Variants in RNF144B observed in about 807,000 individuals in gnomAD.
RNF144B encodes ring finger protein 144B.
In RNF144B, 25 loss-of-function variants were observed where a neutral mutation model predicts 40.2. The observed-to-expected ratio is 0.62, with a 90% CI of 0.45 to 0.87. The LOEUF (loss-of-function observed/expected upper bound fraction) is 0.87, where lower values mean the gene tolerates loss of function less well. RNF144B is among the 40% of genes least tolerant of loss of function. The pLI, the probability that RNF144B is intolerant of heterozygous loss-of-function variation, is 0.00. For synonymous variants in RNF144B, 145 were observed against 136.3 expected, an observed-to-expected ratio of 1.06 and a Z score of -0.44; for missense variants, 365 against 373.7, an observed-to-expected ratio of 0.98 and a Z score of 0.19.
At chr6:18,427,537 A>T in intron 2 of RNF144B, 44 bp from the exon 3 acceptor site, 2 of 1,337,288 alleles carry the variant, frequency 1.5e-6, no homozygotes, top group Non-Finnish European at 2.1e-6. Flanking sequence ...CCTTTCTGCT[A>T]CTGTAATGGA....
In RNF144B at chr6:18,406,466, G is replaced by A. The variant is rs1794909494; in HGVS notation, c.165+6767G>A. Among the ~76,000 whole-genome samples the A allele has an allele frequency of 1.8e-5, 1 of 56,420 alleles. No homozygotes were observed. The highest frequency in any genetic ancestry group is 3.8e-5 in the Non-Finnish European group (1 of 26,522). The allele number at this position is 56,420 out of a possible 152,430, so 37.0% of individuals were successfully genotyped here. A position where few individuals can be genotyped will look rare whatever the true frequency, so the allele number is the denominator to read the frequency against. On this transcript the variant is annotated intron_variant, in intron 2 of 7. Transcript: ENST00000259939. This position sits in a 1 kb window ranked among gnomAD's most constrained non-coding sequence, Gnocchi z 4.2. ...CTGGTGTGGCTGGAAAAGTGTGTGT[G>A]TGTGTGTGTGTGTGTGTGTGTGTGT...
chr6:18,425,949 G>C lies in RNF144B; in HGVS notation c.166-1632G>C, dbSNP rs533452118. Among the ~76,000 whole-genome samples the C allele has an allele frequency of 1.3e-5, 2 of 152,218 alleles. No individual in the cohort carries two copies. The highest frequency in any genetic ancestry group is 6.8e-3 in the Middle Eastern group (2 of 294). ...GAAGAGATACAAGTCTGGTTTAAAT[G>C]GTTTGCCCTAGTCATTGATTCATCA... On this transcript the variant is annotated intron_variant, in intron 2 of 7. Coordinates refer to ENST00000259939, the MANE Select transcript of RNF144B (RefSeq NM_182757.4). The surrounding 1 kb of genome is among the most constrained non-coding windows in gnomAD (Gnocchi z 4.2).
Position 18,405,239 on chromosome 6 carries a change from T to C in RNF144B, c.165+5540T>C, listed in dbSNP as rs1036106471. On this transcript the variant is annotated intron_variant, in intron 2 of 7. Coordinates refer to ENST00000259939, the MANE Select transcript of RNF144B (RefSeq NM_182757.4). This position sits in a 1 kb window ranked among gnomAD's most constrained non-coding sequence, Gnocchi z 4.5. ...CCCAGGCTGGAGTGCAGTGGCACAA[T>C]CTCGGCTCACTGTAACTTCCGCCTC... Among the ~76,000 whole-genome samples, 2 of 151,988 alleles carry C rather than the reference T, an allele frequency of 1.3e-5. No individual in the cohort carries two copies. Among genetic ancestry groups the C allele is most frequent in the Admixed American group, 6.6e-5 (1 of 15,258 alleles).
chr6:18,396,253 T>C (rs1484333693), intron 1 of RNF144B: 5 of 437,222 alleles, frequency 1.1e-5, no homozygotes, highest in South Asian at 9.9e-5. Context: ...TTCTAAGAAA[T>C]ATCTAATTAT....
chr6:18,404,287 G>C (rs1055441138), intron 2 of RNF144B, among the ~76,000 whole-genome samples: 3 of 152,194 alleles, frequency 2.0e-5, no homozygotes, highest in Non-Finnish European at 4.4e-5. Context: ...GTATAGCATA[G>C]TGTGTTAGAA....
In RNF144B at chr6:18,467,269, G is replaced by T. The variant is rs1759589451; in HGVS notation, c.*2202G>T. 1 of 152,524 alleles carries T rather than the reference G, an allele frequency of 6.6e-6. No homozygotes were observed. The highest frequency in any genetic ancestry group is 1.5e-5 in the Non-Finnish European group (1 of 68,020). 9.4% of individuals were successfully genotyped at this position (152,524 alleles called of 1,614,324 possible). A position where few individuals can be genotyped will look rare whatever the true frequency, so the allele number is the denominator to read the frequency against. ...GGGGCTGATTTCAAGTAACCTAAAA[G>T]ACTGTGTTATCAGAGGAAGAGGTCC... is the stretch of plus-strand genomic sequence containing the variant. On this transcript the variant is annotated 3_prime_UTR_variant, in exon 8 of 8. Coordinates refer to ENST00000259939, the MANE Select transcript of RNF144B (RefSeq NM_182757.4).
chr6:18,431,343 T>C (rs1185414472), intron 3 of RNF144B, among the ~76,000 whole-genome samples: 1 of 152,124 alleles, frequency 6.6e-6, no homozygotes, highest in African/African-American at 2.4e-5. Context: ...GAGTTGAAAA[T>C]GGAATAGAAG....
At position 18,395,096 on chromosome 6, in the gene RNF144B, G is replaced by A. The variant is rs532891217; in HGVS notation, c.-36-4403G>A. On this transcript the variant is annotated intron_variant, in intron 1 of 7. Coordinates refer to ENST00000259939, the MANE Select transcript of RNF144B (RefSeq NM_182757.4). The surrounding 1 kb of genome is among the most constrained non-coding windows in gnomAD (Gnocchi z 4.5). ...ACAAGGGGTTCTTGACACTCGGTGA[G>A]AGGCACAGTCACATCTATAATCACT... Among the ~76,000 whole-genome samples the A allele has an allele frequency of 1.6e-4, 24 of 152,318 alleles. No individual in the cohort carries two copies. Among genetic ancestry groups the A allele is most frequent in the African/African-American group, 4.8e-4 (20 of 41,560 alleles).
chr6:18,441,142 A>AC lies in RNF144B; in HGVS notation c.331+1398_331+1399insC, dbSNP rs1449826593. 2.0e-5 allele frequency among the ~76,000 whole-genome samples: 3 copies of AC among 152,164 alleles called. No individual in the cohort carries two copies. Among genetic ancestry groups the AC allele is most frequent in the African/African-American group, 7.2e-5 (3 of 41,444 alleles). On this transcript the variant is annotated intron_variant, in intron 4 of 7. Transcript: ENST00000259939. The surrounding 1 kb of genome is among the most constrained non-coding windows in gnomAD (Gnocchi z 4.9). ...ACATGGGCCGATTAGATTGAGCATT[A>AC]TAACACCAGATATGATAGCTAAAGA... is the stretch of plus-strand genomic sequence containing the variant.
intron 4 of RNF144B, among the ~76,000 whole-genome samples, chr6:18,451,954 G>A (rs955404782): frequency 6.6e-6 from 1 of 152,148 alleles, no homozygotes; most frequent in African/African-American, 2.4e-5. Context: ...CGAAATTTGA[G>A]AGCCCTAATT....
chr6:18,387,544 C>T lies in RNF144B; in HGVS notation c.-123C>T, dbSNP rs376302831. 7.7e-7 allele frequency: 1 copy of T among 1,303,490 alleles called. No individual in the cohort carries two copies. Among genetic ancestry groups the T allele is most frequent in the Non-Finnish European group, 1.0e-6 (1 of 990,222 alleles). 80.7% of individuals were successfully genotyped at this position (1,303,490 alleles called of 1,614,324 possible). A position where few individuals can be genotyped will look rare whatever the true frequency, so the allele number is the denominator to read the frequency against. On this transcript the variant is annotated 5_prime_UTR_variant, in exon 1 of 8. Coordinates refer to ENST00000259939, the MANE Select transcript of RNF144B (RefSeq NM_182757.4). The stretch of plus-strand genomic sequence containing the variant: ...ACGGAGAGAATGGAAGAGCTCCTGT[C>T]CGGTGTGCCAGCAGCCCGGACTGGC...
chr6:18,413,803 G>GA (rs1437402649), intron 2 of RNF144B, among the ~76,000 whole-genome samples: 2 of 152,070 alleles, frequency 1.3e-5, no homozygotes, highest in East Asian at 3.9e-4. Flanking sequence ...TCTGCAAATG[G>GA]AAAAAAATAT....
intron 1 of RNF144B, among the ~76,000 whole-genome samples, chr6:18,387,994 A>G (rs1012285814): frequency 1.3e-5 from 2 of 152,188 alleles, no homozygotes; most frequent in Non-Finnish European, 2.9e-5. Flanking sequence ...TTGCTAATGA[A>G]ACAGTGAAAC....
chr6:18,394,613 GAAAAA>G (rs67659754), intron 1 of RNF144B, among the ~76,000 whole-genome samples: 1 of 132,538 alleles, frequency 7.5e-6, no homozygotes, highest in Non-Finnish European at 1.6e-5. Context: ...CCCCAACCAA[GAAAAA>G]AAAAAAAAAG....
intron 4 of RNF144B, among the ~76,000 whole-genome samples, chr6:18,453,788 T>C (rs1342866357): frequency 1.3e-5 from 2 of 152,196 alleles, no homozygotes; most frequent in African/African-American, 4.8e-5. Context: ...TGCTTTAATC[T>C]CGTTGATAAA....
Position 18,457,022 on chromosome 6 carries a change from C to T in RNF144B, c.332-133C>T, listed in dbSNP as rs146757122. 1.0e-3 allele frequency: 786 copies of T among 770,574 alleles called. 6 individuals are homozygous for T. In the African/African-American group the frequency reaches 0.011, roughly 11 times the overall value. 47.7% of individuals were successfully genotyped at this position (770,574 alleles called of 1,614,324 possible). ...GTTGCAGTGAGCTGAAATCATGCCACTGTACTCCAGCCTGGGCGACAGAGT... is the reference window on the plus strand; with the variant it reads ...GTTGCAGTGAGCTGAAATCATGCCATTGTACTCCAGCCTGGGCGACAGAGT... On this transcript the variant is annotated intron_variant, in intron 4 of 7. Transcript: ENST00000259939. The surrounding 1 kb of genome is among the most constrained non-coding windows in gnomAD (Gnocchi z 5.1).
intron 1 of RNF144B, among the ~76,000 whole-genome samples, chr6:18,389,275 A>G (rs575528110): frequency 3.3e-5 from 5 of 152,222 alleles, no homozygotes; most frequent in Non-Finnish European, 5.9e-5. Flanking sequence ...TCTTTTTAAA[A>G]TAATCAGTTT....
chr6:18,394,685 C>A (rs1256449595), intron 1 of RNF144B, among the ~76,000 whole-genome samples: 2 of 151,890 alleles, frequency 1.3e-5, no homozygotes, highest in Non-Finnish European at 2.9e-5. Context: ...CTTTTTCAGG[C>A]CATCAGCAGA....
rs1759534119 is a variant in RNF144B, at chr6:18,464,548, C to T, written c.772-379C>T. Among the ~76,000 whole-genome samples, 1 of 152,180 alleles carries T rather than the reference C, an allele frequency of 6.6e-6. No homozygotes were observed. The highest frequency in any genetic ancestry group is 2.1e-4 in the South Asian group (1 of 4,828). ...GCTTAAAGAACAGAAATTTACTTCT[C>T]ATAGTTCTGGAGGCTGAGAAGTCTG... On this transcript the variant is annotated intron_variant, in intron 7 of 7. Transcript: ENST00000259939. The surrounding 1 kb of genome is among the most constrained non-coding windows in gnomAD (Gnocchi z 6.1).
Sources: allele counts gnomAD v4.1 joint callset (sites outside exome capture counted in the v4.1 genomes callset), GRCh38; gene constraint gnomAD v4.1.1; non-coding constraint Gnocchi (gnomAD v3.1); transcripts MANE v1.5; gene names NCBI Gene and HGNC (gene_info 2026-07-23, HGNC 2026-07-21).